The following NPAS1 variants were observed in gnomAD, a reference collection of about 807,000 sequenced individuals.
The protein encoded by NPAS1 is neuronal PAS domain-containing protein 1.
A neutral mutation model predicts 49.2 loss-of-function variants in NPAS1; 29 were observed. The ratio of observed to expected loss-of-function variants is 0.59; its 90% CI spans 0.44 to 0.80. The LOEUF (loss-of-function observed/expected upper bound fraction) is 0.80. Among genes scored for constraint, NPAS1 ranks in the 30% least tolerant of loss-of-function variants. The pLI is 0.00. For synonymous variants in NPAS1, 408 were observed against 380.4 expected (o/e 1.07, Z -0.84); for missense variants, 825 against 835.5 (o/e 0.99, Z 0.15).
intron 7 of NPAS1, 43 bp downstream of exon 7, chr19:47,039,194 TC>T: frequency 6.4e-7 from 1 of 1,551,508 alleles, no homozygotes; most frequent in East Asian, 2.3e-5. Context: ...GGCAGCCATG[TC>T]CCCAGATTGA....
At chr19:47,020,365 G>T (rs2056831017) in intron 1 of NPAS1, among the ~76,000 whole-genome samples, 1 of 151,934 alleles carries the variant, frequency 6.6e-6, no homozygotes, top group South Asian at 2.1e-4. Flanking sequence ...CAGAGGCTGC[G>T]GCGGCTGCGT....
intron 9 of NPAS1, 190 bp downstream of exon 9, chr19:47,040,740 G>GA (rs901810005): frequency 3.5e-6 from 2 of 572,812 alleles, no homozygotes; most frequent in Non-Finnish European, 6.1e-6. Flanking sequence ...TGTGTGTGTG[G>GA]GGGGGGGGTC....
In NPAS1 at chr19:47,045,317, A is replaced by G. The variant is rs1395343798; in HGVS notation, c.1439A>G (p.Asp480Gly). 1.2e-6 allele frequency: 2 copies of G among 1,613,992 alleles called. No individual in the cohort carries two copies. The highest frequency in any genetic ancestry group is 8.5e-7 in the Non-Finnish European group (1 of 1,180,008). ...ACCAAAGGCTCCGAGGACAGTGGCGACGAGGATCCCTCCAGCCACCCGGCC... is the reference window on the plus strand; with the variant it reads ...ACCAAAGGCTCCGAGGACAGTGGCGGCGAGGATCCCTCCAGCCACCCGGCC... ...RETKGSEDSG[D>G]EDPSSHPATP... The change falls in exon 12 of 12, where the codon GAC becomes GGC. Residue 480 changes from aspartate to glycine, a missense_variant. Coordinates refer to ENST00000602212, the MANE Select transcript of NPAS1 (RefSeq NM_002517.4).
intron 3 of NPAS1, among the ~76,000 whole-genome samples, chr19:47,027,509 C>T (rs182683889): frequency 0.21 from 4,623 of 21,568 alleles, 680 homozygotes; most frequent in Admixed American, 0.26. Context: ...CCTGGTCTCC[C>T]ATCTCTCTGC....
At chr19:47,022,874 GTTA>G (rs2056850304) in intron 3 of NPAS1, among the ~76,000 whole-genome samples, 1 of 152,362 alleles carries the variant, frequency 6.6e-6, no homozygotes, top group East Asian at 1.9e-4. Context: ...GTGCTGTTAT[GTTA>G]TTATTACTTC....
rs901975787 is a variant in NPAS1 at position 47,045,630 on chromosome 19, G to A, written c.1752G>A (p.Arg584=). ...GLPYPGPAGT[R]LPRKGD ...CCTACCCGGGGCCCGCGGGCACCAGGCTGCCGCGGAAGGGGGACTGAGGAC... is the reference window on the plus strand; with the variant it reads ...CCTACCCGGGGCCCGCGGGCACCAGACTGCCGCGGAAGGGGGACTGAGGAC... Residue 584 remains arginine, a synonymous_variant, in exon 12 of 12, where the codon AGG becomes AGA. Coordinates refer to ENST00000602212, the MANE Select transcript of NPAS1 (RefSeq NM_002517.4). 1.3e-5 allele frequency: 19 copies of A among 1,431,454 alleles called. No homozygotes were observed. The African/African-American group carries it at 2.7e-4, about 20-fold the overall frequency. The allele number at this position is 1,431,454 out of a possible 1,614,324, so 88.7% of individuals were successfully genotyped here. A position where few individuals can be genotyped will look rare whatever the true frequency, so the allele number is the denominator to read the frequency against.
rs988845131 is a variant in NPAS1 at position 47,021,825 on chromosome 19, C to T, written c.336C>T (p.Ala112=). The stretch of plus-strand genomic sequence containing the variant: ...GGGCGCCGCCCTGGGGGCTGAGAGC[C>T]GCGGGGCCGCCAGCTGGCCTCGGTG... ...ALGAPPWGLR[A]AGPPAGLAPG... is the part of the protein sequence containing the mutation. The change falls in exon 3 of 12, where the codon GCC becomes GCT. Residue 112 remains alanine, a synonymous_variant. Transcript: ENST00000602212. The surrounding 1 kb of genome is among the most constrained non-coding windows in gnomAD (Gnocchi z 5.7). 9 of 1,508,792 alleles carry T rather than the reference C, an allele frequency of 6.0e-6. No homozygotes were observed. The African/African-American group carries it at 8.7e-5, about 15-fold the overall frequency. 93.5% of individuals were successfully genotyped at this position (1,508,792 alleles called of 1,614,324 possible).
Position 47,040,461 on chromosome 19 carries a change from A to T in NPAS1, c.980A>T (p.Asp327Val). The T allele has an allele frequency of 6.3e-7, 1 of 1,599,748 alleles. No homozygotes were observed. Among genetic ancestry groups the T allele is most frequent in the Non-Finnish European group, 8.5e-7 (1 of 1,173,710 alleles). Residue 327 changes from aspartate to valine, a missense_variant, in exon 9 of 12, where the codon GAC becomes GTC. Physicochemically the swap from Asp to Val is radical, Grantham distance 152. Transcript: ENST00000602212. ...ACESRVSDHM[D>V]LGPSELVGRS... Reference sequence around the variant, plus strand: ...CCCCCCAGAGTCAGCGACCACATGGACCTGGGGCCCTCAGAGCTGGTGGGC... The same window carrying T: ...CCCCCCAGAGTCAGCGACCACATGGTCCTGGGGCCCTCAGAGCTGGTGGGC...
At chr19:47,030,586 T>C (rs1426376511) in intron 3 of NPAS1, among the ~76,000 whole-genome samples, 2 of 148,702 alleles carry the variant, frequency 1.3e-5, no homozygotes, top group Non-Finnish European at 3.0e-5. Context: ...CACCTCAGCC[T>C]CCCAAAGTGC....
intron 7 of NPAS1, 74 bp from the exon 8 acceptor site, chr19:47,039,333 C>A (rs963268006): frequency 1.3e-6 from 2 of 1,586,744 alleles, no homozygotes; most frequent in Non-Finnish European, 1.7e-6. Context: ...ACAGAGGGAA[C>A]CCAGCCCAGT....
intron 8 of NPAS1, among the ~76,000 whole-genome samples, chr19:47,039,945 G>A (rs1410427907): frequency 6.6e-6 from 1 of 152,158 alleles, no homozygotes; most frequent in Non-Finnish European, 1.5e-5. Flanking sequence ...ATGCTCTGAG[G>A]TGTCCAGGGT....
At chr19:47,045,070 A>T (rs1223090713) in intron 11 of NPAS1, 121 bp from the exon 12 acceptor site, 21 of 936,454 alleles carry the variant, frequency 2.2e-5, no homozygotes, top group East Asian at 5.5e-5. Flanking sequence ...ACAAACAAAA[A>T]AAAAAACCCC....
intron 8 of NPAS1, among the ~76,000 whole-genome samples, chr19:47,040,023 G>GGTTT (rs966567798): frequency 4.6e-5 from 7 of 151,920 alleles, no homozygotes; most frequent in Admixed American, 1.3e-4. Flanking sequence ...ACTGTTTTGT[G>GGTTT]GTTTGTTTGT....
intron 9 of NPAS1, 189 bp from the exon 10 acceptor site, chr19:47,040,789 C>T (rs909353467): frequency 2.8e-5 from 17 of 617,900 alleles, no homozygotes; most frequent in South Asian, 6.2e-5. Context: ...CAAGAGGCCT[C>T]GCTGCTGGGC....
In NPAS1 at chr19:47,045,352, C is replaced by G; in HGVS notation, c.1474C>G (p.Pro492Ala). The G allele has an allele frequency of 6.2e-7, 1 of 1,613,796 alleles. No individual in the cohort carries two copies. Among genetic ancestry groups the G allele is most frequent in the South Asian group, 1.1e-5 (1 of 91,078 alleles). The change falls in exon 12 of 12, where the codon CCC becomes GCC. Residue 492 changes from proline (P) to alanine (A), a missense_variant. Coordinates refer to ENST00000602212, the MANE Select transcript of NPAS1 (RefSeq NM_002517.4). ...CTCCAGCCACCCGGCCACACCGAGG[C>G]CCGAGTTCACCTCTGTCATCCGGGC... ...DPSSHPATPR[P>A]EFTSVIRAGV... is the part of the protein sequence containing the mutation.
chr19:47,031,352 C>T (rs2056904208), intron 3 of NPAS1, among the ~76,000 whole-genome samples: 1 of 151,828 alleles, frequency 6.6e-6, no homozygotes, highest in African/African-American at 2.4e-5. Context: ...CCCACGCCAC[C>T]ATGCCCAGCT....
chr19:47,029,282 CTA>C (rs1345689259), intron 3 of NPAS1, among the ~76,000 whole-genome samples: 1 of 152,082 alleles, frequency 6.6e-6, no homozygotes, highest in Non-Finnish European at 1.5e-5. Context: ...CAGGGTTTCA[CTA>C]TGTTGGCCAG....
chr19:47,040,531 C>A lies in NPAS1; in HGVS notation c.1050C>A (p.Ile350=). The A allele has an allele frequency of 6.3e-7, 1 of 1,591,870 alleles. No individual in the cohort carries two copies. The highest frequency in any genetic ancestry group is 8.5e-7 in the Non-Finnish European group (1 of 1,169,710). ...QFVHGQDATR[I]RQSHVDLLDK... ...TCCACGGACAGGACGCCACGAGGAT[C>A]CGCCAGAGCCACGTGGACTGTGAGA... The change falls in exon 9 of 12, where the codon ATC becomes ATA. Residue 350 remains isoleucine (I), a synonymous_variant. Transcript: ENST00000602212.
chr19:47,035,151 A>G (rs2056939543), intron 5 of NPAS1, among the ~76,000 whole-genome samples: 1 of 151,810 alleles, frequency 6.6e-6, no homozygotes, highest in Non-Finnish European at 1.5e-5. Flanking sequence ...ATTGCACTCC[A>G]GCCTGGGCAA....
Sources: gnomAD v4.1 joint callset for allele counts (sites outside exome capture counted in the v4.1 genomes callset) on GRCh38, gnomAD v4.1.1 for gene constraint, Gnocchi (gnomAD v3.1) non-coding constraint, MANE v1.5 for transcripts, NCBI Gene and HGNC (gene_info 2026-07-23, HGNC 2026-07-21) for gene names.